Variants in ESR2 observed in about 807,000 individuals in gnomAD.
ESR2 encodes estrogen receptor 2, also known as estrogen receptor beta.
A neutral mutation model predicts 49.6 loss-of-function variants in ESR2; 36 were observed. That is an observed-to-expected ratio of 0.73 (90% confidence interval 0.56 to 0.96). The LOEUF (loss-of-function observed/expected upper bound fraction) is 0.96, where lower values mean the gene tolerates loss of function less well. ESR2 is among the 40% of genes least tolerant of loss of function. The pLI is 0.00. For missense variants in ESR2, 714 were observed against 693.0 expected (o/e 1.03, Z -0.34); for synonymous variants, 320 against 266.1 (o/e 1.20, Z -1.97).
chr14:64,322,793 A>G (rs2077340897), intron 1 of ESR2, among the ~76,000 whole-genome samples: 2 of 152,216 alleles, frequency 1.3e-5, no homozygotes, highest in South Asian at 2.1e-4. Context: ...TTAATCCCCT[A>G]GCAACAAAAG....
At chr14:64,264,616 C>A (rs937584460) in intron 4 of ESR2, among the ~76,000 whole-genome samples, 3 of 151,786 alleles carry the variant, frequency 2.0e-5, no homozygotes, top group Admixed American at 6.6e-5. Flanking sequence ...TGCCTGTAAT[C>A]CCCCAGCACT....
At chr14:64,316,296 C>T (rs983933673) in intron 1 of ESR2, among the ~76,000 whole-genome samples, 1 of 151,872 alleles carries the variant, frequency 6.6e-6, no homozygotes, top group African/African-American at 2.4e-5. Context: ...ACTGCATGAG[C>T]CACAGTGCCC....
upstream of ESR2, among the ~76,000 whole-genome samples, chr14:64,295,160 AAAAGG>A (rs1481875966): frequency 1.3e-5 from 2 of 151,674 alleles, no homozygotes; most frequent in African/African-American, 4.9e-5. Flanking sequence ...GATGAAAATG[AAAAGG>A]AAAGTAGCAT....
At chr14:64,303,248 C>A (rs546634761) in intron 1 of ESR2, among the ~76,000 whole-genome samples, 61 of 152,162 alleles carry the variant, frequency 4.0e-4, no homozygotes, top group Non-Finnish European at 4.6e-4. Context: ...CTTCTTTTTT[C>A]AAACAACCCA....
At chr14:64,311,475 A>T (rs953121225) in intron 1 of ESR2, among the ~76,000 whole-genome samples, 6 of 152,004 alleles carry the variant, frequency 3.9e-5, no homozygotes, top group African/African-American at 1.4e-4. Flanking sequence ...CCCTGTCTCT[A>T]CTAAAAATAC....
intron 3 of ESR2, among the ~76,000 whole-genome samples, chr14:64,275,158 G>A (rs1596442273): frequency 6.6e-6 from 1 of 152,186 alleles, no homozygotes; most frequent in African/African-American, 2.4e-5. Context: ...TGTTGATTTT[G>A]TGTCTGGATG....
chr14:64,265,410 A>G (rs2076308961), intron 4 of ESR2, among the ~76,000 whole-genome samples: 1 of 152,238 alleles, frequency 6.6e-6, no homozygotes, highest in South Asian at 2.1e-4. Flanking sequence ...CAGAAGAGGA[A>G]CCAAACATAA....
chr14:64,317,839 A>G (rs2140890814), intron 1 of ESR2, among the ~76,000 whole-genome samples: 1 of 152,326 alleles, frequency 6.6e-6, no homozygotes, highest in South Asian at 2.1e-4. Context: ...AAACAGGAAT[A>G]CAGGGGAGCT....
chr14:64,232,983 T>C lies in ESR2; in HGVS notation c.*154A>G. 1.4e-6 allele frequency: 2 copies of C among 1,380,378 alleles called. No homozygotes were observed. The highest frequency in any genetic ancestry group is 1.9e-5 in the South Asian group (1 of 54,010). The allele number at this position is 1,380,378 out of a possible 1,614,324, so 85.5% of individuals were successfully genotyped here. The stretch of plus-strand genomic sequence containing the variant: ...GCTTCCTCACACCGACTCCTGAGAG[T>C]TGGGAAGGTGGAGGGAAGGATGGTA... On this transcript the variant is annotated 3_prime_UTR_variant, in exon 9 of 9. Transcript: ENST00000341099.
intron 1 of ESR2, among the ~76,000 whole-genome samples, chr14:64,312,315 CAG>C (rs2077196164): frequency 2.0e-5 from 3 of 151,938 alleles, no homozygotes; most frequent in Non-Finnish European, 2.9e-5. Context: ...ATTTAAAAAA[CAG>C]AGAAAACAAA....
At chr14:64,244,042 C>A (rs1036879683) in intron 7 of ESR2, among the ~76,000 whole-genome samples, 1 of 152,140 alleles carries the variant, frequency 6.6e-6, no homozygotes, top group Non-Finnish European at 1.5e-5. Flanking sequence ...ACCCAGATAG[C>A]AGATAAAGCA....
chr14:64,250,925 G>A (rs1378475219), intron 6 of ESR2, among the ~76,000 whole-genome samples: 2 of 152,088 alleles, frequency 1.3e-5, no homozygotes, highest in African/African-American at 2.4e-5. Context: ...TTTGGTATAT[G>A]AGCATTACTG....
At chr14:64,285,201 C>G (rs1013471999) in intron 1 of ESR2, among the ~76,000 whole-genome samples, 5 of 152,134 alleles carry the variant, frequency 3.3e-5, no homozygotes, top group African/African-American at 4.8e-5. Flanking sequence ...TACTGCTCCT[C>G]GTCCCCAGTT....
At chr14:64,256,160 CAAG>C (rs778851182) in intron 6 of ESR2, among the ~76,000 whole-genome samples, 12 of 152,146 alleles carry the variant, frequency 7.9e-5, no homozygotes, top group East Asian at 5.8e-4. Flanking sequence ...AATCAATTTC[CAAG>C]AAGATTTCGA....
At chr14:64,262,084 A>G (rs181257522) in intron 4 of ESR2, among the ~76,000 whole-genome samples, 15 of 149,424 alleles carry the variant, frequency 1.0e-4, no homozygotes, top group African/African-American at 2.9e-4. Flanking sequence ...AGCAAAGTTG[A>G]TTTATATGCT....
chr14:64,285,411 T>C (rs1163853164), intron 1 of ESR2, among the ~76,000 whole-genome samples: 4 of 152,212 alleles, frequency 2.6e-5, no homozygotes, highest in African/African-American at 9.6e-5. Context: ...GCAAACTGCA[T>C]TGTGAGGTGG....
At chr14:64,253,040 G>A (rs1181665600) in intron 6 of ESR2, among the ~76,000 whole-genome samples, 1 of 151,646 alleles carries the variant, frequency 6.6e-6, no homozygotes, top group Non-Finnish European at 1.5e-5. Flanking sequence ...ATTTTTAGTA[G>A]AGAAGGGGTT....
intron 7 of ESR2, 109 bp from the exon 8 acceptor site, chr14:64,235,259 G>A (rs1181324549): frequency 9.6e-6 from 11 of 1,146,156 alleles, no homozygotes; most frequent in Admixed American, 6.5e-5. Context: ...TGCTTTGACA[G>A]CTGCATGTGT....
At chr14:64,265,138 A>C (rs777383791) in intron 4 of ESR2, among the ~76,000 whole-genome samples, 3 of 152,172 alleles carry the variant, frequency 2.0e-5, no homozygotes, top group Non-Finnish European at 2.9e-5. Context: ...TTTTCTATCA[A>C]GGATGTTTCT....
Sources: gnomAD v4.1 joint callset for allele counts (sites outside exome capture counted in the v4.1 genomes callset) on GRCh38, gnomAD v4.1.1 for gene constraint, MANE v1.5 for transcripts, NCBI Gene and HGNC (gene_info 2026-07-23, HGNC 2026-07-21) for gene names.